CLPTM1L: variants seen among roughly 807,000 people sequenced by gnomAD.
CLPTM1L encodes the protein lipid scramblase CLPTM1L.
CLPTM1L carries 38 observed loss-of-function variants against 70.9 expected under a neutral mutation model. The ratio of observed to expected loss-of-function variants is 0.54; its 90% confidence interval spans 0.41 to 0.70. The LOEUF is 0.70. Ranked by LOEUF, CLPTM1L falls within the 30% of genes least tolerant of loss-of-function variation. CLPTM1L has a pLI of 0.00. For synonymous variants in CLPTM1L, 339 were observed against 299.9 expected, an observed-to-expected ratio of 1.13 and a Z score of -1.35; for missense variants, 652 against 705.9, an observed-to-expected ratio of 0.92 and a Z score of 0.87.
upstream of CLPTM1L, chr5:1,345,099 TG>T (rs1754195196): frequency 6.6e-6 from 1 of 151,660 alleles, no homozygotes; most frequent in South Asian, 2.1e-4. Context: ...CTGCCGGAAG[TG>T]GACGCGCCGC....
rs1394256457 is a variant in CLPTM1L, at chr5:1,342,734, G to C, written c.264-874C>G. Among the ~76,000 whole-genome samples, 1 of 152,222 alleles carries C rather than the reference G, an allele frequency of 6.6e-6. No homozygotes were observed. Among genetic ancestry groups the C allele is most frequent in the Non-Finnish European group, 1.5e-5 (1 of 68,040 alleles). On this transcript the variant is annotated intron_variant, in intron 2 of 16. Transcript: ENST00000320895. The surrounding 1 kb of genome is among the most constrained non-coding windows in gnomAD (Gnocchi z 4.3). ...CCCGAGTAGCTGGGACTACAGGTGG[G>C]CGTGCCACCATGCCTGGCTAACTTT...
chr5:1,325,782 A>T lies in CLPTM1L; in HGVS notation c.1115T>A (p.Ile372Asn). The part of the protein sequence containing the change: ...WKVKKALKMT[I>N]FWRGLMPEFQ... ...TTCGGGCATCAGGCCTCTCCAAAAA[A>T]TAGTCATCTTCAATGCCTTCTTCAC... Residue 372 changes from isoleucine (I) to asparagine (N), a missense_variant, in exon 10 of 17, where the codon ATT becomes AAT. Ile to Asn is a moderately radical substitution (Grantham distance 149). Around this residue, in one of 3 missense-constraint regions of CLPTM1L, gnomAD observed 240 missense variants for 295.0 expected, o/e 0.81. Coordinates refer to ENST00000320895, the MANE Select transcript of CLPTM1L (RefSeq NM_030782.5). The T allele has an allele frequency of 6.2e-7, 1 of 1,614,056 alleles. No individual in the cohort carries two copies. Among genetic ancestry groups the T allele is most frequent in the Non-Finnish European group, 8.5e-7 (1 of 1,179,936 alleles).
At chr5:1,327,489 T>C (rs1387205599) in intron 9 of CLPTM1L, among the ~76,000 whole-genome samples, 1 of 148,456 alleles carries the variant, frequency 6.7e-6, no homozygotes, top group East Asian at 2.0e-4. Flanking sequence ...TACAGGGACA[T>C]TTCATCCAGC....
chr5:1,321,013 GGAGCCGCCCGAGACAGAGCCAAGGGCA>G (rs1752118402), intron 15 of CLPTM1L, among the ~76,000 whole-genome samples: 1 of 152,200 alleles, frequency 6.6e-6, no homozygotes, highest in Non-Finnish European at 1.5e-5. Context: ...AGCCAAGGCT[GGAGCCGCCCGAGACAGAGCCAAGGGCA>G]GAGCCACCTG....
Position 1,344,959 on chromosome 5 carries a change from C to A in CLPTM1L, c.-118G>T. The A allele has an allele frequency of 2.1e-6, 1 of 477,722 alleles. No individual in the cohort carries two copies. The highest frequency in any genetic ancestry group is 2.7e-6 in the Non-Finnish European group (1 of 367,528). The allele number at this position is 477,722 out of a possible 1,614,324, so 29.6% of individuals were successfully genotyped here. Reference sequence around the variant, plus strand: ...CTCACTGGAGAGCCGCCGCGCGCCACCGCCACCGCCGCGGGGGAACGAATG... The same window carrying A: ...CTCACTGGAGAGCCGCCGCGCGCCAACGCCACCGCCGCGGGGGAACGAATG... On this transcript the variant is annotated 5_prime_UTR_variant, in exon 1 of 17. Coordinates refer to ENST00000320895, the MANE Select transcript of CLPTM1L (RefSeq NM_030782.5).
At chr5:1,344,589 G>A in intron 1 of CLPTM1L, 91 bp downstream of exon 1, 1 of 1,479,426 alleles carries the variant, frequency 6.8e-7, no homozygotes, top group Non-Finnish European at 9.2e-7. Flanking sequence ...CGCGGCCACA[G>A]CTCCGAACTG....
chr5:1,338,225 C>CAGGTGGGAAAATG (rs2111250285), intron 4 of CLPTM1L: 1 of 573,950 alleles, frequency 1.7e-6, no homozygotes, highest in Non-Finnish European at 3.1e-6. Flanking sequence ...AATGCCTCCA[C>CAGGTGGGAAAATG]GGCCACTAGG....
At chr5:1,320,199 T>A (rs542065595) in intron 16 of CLPTM1L, 1 of 157,080 alleles carries the variant, frequency 6.4e-6, no homozygotes, top group South Asian at 2.0e-4. Context: ...GTGAGTGAGC[T>A]CCCCAGTGAC....
In CLPTM1L at chr5:1,344,833, G is replaced by C. The variant is rs1485185701; in HGVS notation, c.9C>G (p.Ser3Arg). Reference sequence around the variant, plus strand: ...CCAAGCTGGTGAAGGAGCTGCGGCCGCTCCACATGGCGGCCCCGCGCCCGG... The same window carrying C: ...CCAAGCTGGTGAAGGAGCTGCGGCCCCTCCACATGGCGGCCCCGCGCCCGG... Reference protein sequence around the residue: MWSGRSSFTSLVV... With the variant: MWRGRSSFTSLVV... The change falls in exon 1 of 17, where the codon AGC becomes AGG. Residue 3 changes from serine to arginine, a missense_variant. Transcript: ENST00000320895. 1 of 1,528,862 alleles carries C rather than the reference G, an allele frequency of 6.5e-7. No homozygotes were observed. Among genetic ancestry groups the C allele is most frequent in the Non-Finnish European group, 8.8e-7 (1 of 1,141,814 alleles). The allele number at this position is 1,528,862 out of a possible 1,614,324, so 94.7% of individuals were successfully genotyped here. A position where few individuals can be genotyped will look rare whatever the true frequency, so the allele number is the denominator to read the frequency against.
At position 1,320,388 on chromosome 5, in the gene CLPTM1L, AT is replaced by A. The variant is rs541375687; in HGVS notation, c.1532+227del. On this transcript the variant is annotated intron_variant, in intron 16 of 16. Transcript: ENST00000320895. ...ATCAATAATTCACATAGAAACGAGC[AT>A]TTCTAAAGCACAGTGAGGAGACAGA... 14 of 426,728 alleles carry A rather than the reference AT, an allele frequency of 3.3e-5. No individual in the cohort carries two copies. The South Asian group carries it at 9.0e-4, about 27-fold the overall frequency. The allele number at this position is 426,728 out of a possible 1,614,324, so 26.4% of individuals were successfully genotyped here.
At chr5:1,330,482 C>T in intron 8 of CLPTM1L, 99 bp from the exon 9 acceptor site, 11 of 901,584 alleles carry the variant, frequency 1.2e-5, no homozygotes, top group Admixed American at 2.0e-5. Flanking sequence ...CCCAACCCAC[C>T]ACGCCCAAGA....
intron 15 of CLPTM1L, among the ~76,000 whole-genome samples, 190 bp from the exon 16 acceptor site, chr5:1,320,921 C>T (rs1752113621): frequency 6.6e-6 from 1 of 152,240 alleles, no homozygotes; most frequent in Non-Finnish European, 1.5e-5. Flanking sequence ...ATGGGCTCCC[C>T]ACAGCTGCTG....
At chr5:1,335,354 C>T (rs1436966880) in intron 5 of CLPTM1L, among the ~76,000 whole-genome samples, 180 bp from the exon 6 acceptor site, 5 of 152,218 alleles carry the variant, frequency 3.3e-5, no homozygotes, top group East Asian at 1.9e-4. Flanking sequence ...CAGGCCCCAG[C>T]GTGCTGCGTT....
chr5:1,333,541 G>A (rs868083582), intron 7 of CLPTM1L, among the ~76,000 whole-genome samples: 28 of 136,090 alleles, frequency 2.1e-4, no homozygotes, highest in East Asian at 6.7e-4. Context: ...GGATAAGGGG[G>A]GACTACTGTA....
At chr5:1,324,055 G>A (rs536563788) in intron 11 of CLPTM1L, 186 bp from the exon 12 acceptor site, 9 of 600,754 alleles carry the variant, frequency 1.5e-5, no homozygotes, top group African/African-American at 1.5e-4. Flanking sequence ...ACAGCCCCAG[G>A]AGGCACCGCA....
chr5:1,337,852 T>C lies in CLPTM1L; in HGVS notation c.678+52A>G, dbSNP rs180718269. 1,209 of 1,435,046 alleles carry C rather than the reference T, an allele frequency of 8.4e-4. 15 individuals are homozygous for C. The African/African-American group carries it at 0.015, about 18-fold the overall frequency. The allele number at this position is 1,435,046 out of a possible 1,614,324, so 88.9% of individuals were successfully genotyped here. On this transcript the variant is annotated intron_variant, in intron 5 of 16. Transcript: ENST00000320895. The stretch of plus-strand genomic sequence containing the variant: ...GGTGCAGGGGCTGCGGGGCCAGTCT[T>C]GGGGTCAGTGTCTCGCCAGCTGCAC...
At chr5:1,338,761 A>T in intron 4 of CLPTM1L, 99 bp downstream of exon 4, 1 of 1,417,514 alleles carries the variant, frequency 7.1e-7, no homozygotes, top group East Asian at 2.3e-5. Flanking sequence ...CTCCCCACAG[A>T]GGGGACTCCA....
chr5:1,325,667 G>A (rs1305999612), intron 10 of CLPTM1L, 84 bp downstream of exon 10: 2 of 1,130,060 alleles, frequency 1.8e-6, no homozygotes, highest in Admixed American at 3.6e-5. Flanking sequence ...CTCATCTGCA[G>A]ATGGCCATCT....
In CLPTM1L at chr5:1,318,687, C is replaced by T. The variant is rs1056678605; in HGVS notation, c.1533-234G>A. Among the ~76,000 whole-genome samples, 1 of 152,082 alleles carries T rather than the reference C, an allele frequency of 6.6e-6. No homozygotes were observed. The highest frequency in any genetic ancestry group is 1.5e-5 in the Non-Finnish European group (1 of 67,988). ...GCTCTCAAGGAAAGGGAAGCTTGGC[C>T]GAAGGGACGACCCGGAGGCTGCACG... On this transcript the variant is annotated intron_variant, in intron 16 of 16. Coordinates refer to ENST00000320895, the MANE Select transcript of CLPTM1L (RefSeq NM_030782.5). This position sits in a 1 kb window ranked among gnomAD's most constrained non-coding sequence, Gnocchi z 8.9.
Sources: gnomAD v4.1 joint callset for allele counts (sites outside exome capture counted in the v4.1 genomes callset) on GRCh38, gnomAD v4.1.1 for gene constraint, gnomAD v4.1.1 regional missense constraint, Gnocchi (gnomAD v3.1) non-coding constraint, MANE v1.5 for transcripts, NCBI Gene and HGNC (gene_info 2026-07-23, HGNC 2026-07-21) for gene names.